REPS2: variants seen among roughly 807,000 people sequenced by gnomAD.
REPS2 encodes the protein RALBP1 associated Eps domain containing 2, also known as ralBP1-associated Eps domain-containing protein 2.
Under a neutral mutation model 53.6 loss-of-function variants are expected in REPS2, and 23 were observed. That is an observed-to-expected ratio of 0.43 (90% CI 0.31 to 0.61). The LOEUF is 0.61. Among genes scored for constraint, REPS2 ranks in the 20% least tolerant of loss-of-function variants. The pLI, the probability that REPS2 is intolerant of heterozygous loss-of-function variation, is 0.11. For missense variants in REPS2, 446 were observed against 534.9 expected (o/e 0.83, Z 1.64); for synonymous variants, 238 against 218.6 (o/e 1.09, Z -0.78).
intron 8 of REPS2, among the ~76,000 whole-genome samples, chrX:17,056,022 A>AC (rs112953642): frequency 7.3e-4 from 80 of 109,112 alleles, no homozygotes; most frequent in Non-Finnish European, 1.4e-3. Flanking sequence ...AAACAAACAA[A>AC]AAAAAAAAAC....
chrX:17,170,474 C>T, the REPS2 span, among the ~76,000 whole-genome samples: 1 of 112,486 alleles, frequency 8.9e-6, no homozygotes, highest in Non-Finnish European at 1.9e-5. Flanking sequence ...AGATTGGAAT[C>T]TTCAAAGGCC....
In REPS2 at chrX:17,054,844, C is replaced by G. The variant is rs778683260; in HGVS notation, c.1008C>G (p.Thr336=). 9.9e-6 allele frequency: 12 copies of G among 1,211,086 alleles called. No homozygotes were observed. In the East Asian group the frequency reaches 3.3e-4, roughly 33 times the overall value. Residue 336 remains threonine, a synonymous_variant, in exon 8 of 18, where the codon ACC becomes ACG. Coordinates refer to ENST00000357277, the MANE Select transcript of REPS2 (RefSeq NM_004726.3). ...LSDADCDGAL[T]LPEFCAAFHL... ...ATGCTGACTGTGATGGAGCCCTGAC[C>G]CTGCCTGAGTTCTGTGCTGCGTTTC...
chrX:16,950,497 G>A (rs1040611712), intron 1 of REPS2, among the ~76,000 whole-genome samples: 1 of 112,240 alleles, frequency 8.9e-6, no homozygotes, highest in Non-Finnish European at 1.9e-5. Context: ...ACCATTTTGC[G>A]TTCCCATCAG....
At chrX:17,048,776 AAAC>A (rs1169589871) in intron 6 of REPS2, among the ~76,000 whole-genome samples, 1 of 112,994 alleles carries the variant, frequency 8.9e-6, no homozygotes, top group Non-Finnish European at 1.9e-5. Flanking sequence ...ATGCTGGTAA[AAAC>A]AAATCTGTGC....
chrX:17,036,147 G>A (rs2061762980), intron 5 of REPS2, among the ~76,000 whole-genome samples: 1 of 112,060 alleles, frequency 8.9e-6, no homozygotes, highest in African/African-American at 3.2e-5. Flanking sequence ...CTATATATTT[G>A]TAATTTTTGA....
chrX:17,077,458 G>A (rs371160793), intron 13 of REPS2, 51 bp downstream of exon 13: 29 of 1,123,882 alleles, frequency 2.6e-5, no homozygotes, highest in East Asian at 9.4e-5. Flanking sequence ...TGGAGCCAGC[G>A]GATGTGTGTC....
intron 2 of REPS2, among the ~76,000 whole-genome samples, chrX:17,009,306 G>A (rs1379482825): frequency 9.0e-6 from 1 of 111,324 alleles, no homozygotes; most frequent in Non-Finnish European, 1.9e-5. Context: ...CTACAGGCAT[G>A]CGCCACCACT....
At chrX:17,030,314 GGTGT>G (rs3222673) in intron 5 of REPS2, among the ~76,000 whole-genome samples, 254 of 101,684 alleles carry the variant, frequency 2.5e-3, no homozygotes, top group South Asian at 0.011. Context: ...CTCAAAGAAG[GGTGT>G]GTGTGTGTGT....
chrX:16,965,970 C>T (rs1381142499), intron 1 of REPS2, among the ~76,000 whole-genome samples: 1 of 112,462 alleles, frequency 8.9e-6, no homozygotes, highest in African/African-American at 3.2e-5. Flanking sequence ...ACCAGTCAGG[C>T]GTGGCGGCGC....
intron 1 of REPS2, among the ~76,000 whole-genome samples, chrX:16,994,434 T>C (rs1195372005): frequency 1.8e-5 from 2 of 110,749 alleles, no homozygotes; most frequent in African/African-American, 6.6e-5. Flanking sequence ...CACACACATA[T>C]ATATACACAC....
intron 11 of REPS2, among the ~76,000 whole-genome samples, chrX:17,073,269 C>T (rs192496391): frequency 7.4e-4 from 83 of 112,342 alleles, no homozygotes; most frequent in African/African-American, 2.4e-3. Flanking sequence ...GTTACTAGCA[C>T]CTTTTCTATG....
intron 13 of REPS2, among the ~76,000 whole-genome samples, chrX:17,093,241 G>A (rs1293550422): frequency 1.1e-5 from 1 of 89,870 alleles, no homozygotes; most frequent in South Asian, 5.9e-4. Flanking sequence ...GGAAACCTGA[G>A]GCTTTGGGTG....
chrX:17,050,125 T>C (rs191079273), intron 6 of REPS2, among the ~76,000 whole-genome samples: 18 of 69,999 alleles, frequency 2.6e-4, no homozygotes, highest in East Asian at 1.3e-3. Context: ...GTTTCTTCTT[T>C]CTTTCTTCCT....
intron 1 of REPS2, among the ~76,000 whole-genome samples, chrX:17,000,046 C>CAAAAAAAAAAA (rs61082179): frequency 3.7e-5 from 1 of 27,106 alleles, no homozygotes; most frequent in African/African-American, 1.2e-4. Flanking sequence ...GACTCCGTCT[C>CAAAAAAAAAAA]AAAAAAAAAA....
intron 9 of REPS2, among the ~76,000 whole-genome samples, chrX:17,062,840 C>G (rs1290175886): frequency 8.9e-6 from 1 of 111,902 alleles, no homozygotes; most frequent in Non-Finnish European, 1.9e-5. Context: ...AAAATTCTAG[C>G]CAAGTTATTT....
intron 13 of REPS2, among the ~76,000 whole-genome samples, chrX:17,081,652 C>G (rs757617045): frequency 1.7e-4 from 19 of 112,190 alleles, no homozygotes; most frequent in African/African-American, 5.8e-4. Context: ...TTCCAGGGCT[C>G]TCTAGGTACT....
chrX:17,145,970 G>C (rs1030774278), intron 17 of REPS2, among the ~76,000 whole-genome samples: 1 of 109,710 alleles, frequency 9.1e-6, no homozygotes, highest in African/African-American at 3.3e-5. Context: ...TTAGCCGGGC[G>C]TGGTGGCGGG....
At chrX:17,093,200 A>ATATATATATATATATATATATATATATAT (rs61196590) in intron 13 of REPS2, among the ~76,000 whole-genome samples, 5 of 15,660 alleles carry the variant, frequency 3.2e-4, no homozygotes, top group African/African-American at 5.1e-4. Flanking sequence ...ATATATATAT[A>ATATATATATATATATATATATATATATAT]ATTTTTTTTT....
At chrX:17,047,236 T>A (rs2061919542) in intron 5 of REPS2, 111 bp from the exon 6 acceptor site, 2 of 849,818 alleles carry the variant, frequency 2.4e-6, no homozygotes, top group Non-Finnish European at 3.3e-6. Context: ...TTTCTTCACC[T>A]GAGGAAAAAA....
Sources: allele counts gnomAD v4.1 joint callset (sites outside exome capture counted in the v4.1 genomes callset), GRCh38; gene constraint gnomAD v4.1.1; transcripts MANE v1.5; gene names NCBI Gene and HGNC (gene_info 2026-07-23, HGNC 2026-07-21).